PARD3: variants seen among roughly 807,000 people sequenced by gnomAD.
PARD3 encodes partitioning defective 3 homolog.
PARD3 carries 75 observed loss-of-function variants against 155.4 expected under a neutral mutation model. The observed-to-expected ratio is 0.48, with a 90% confidence interval of 0.40 to 0.58. The LOEUF (loss-of-function observed/expected upper bound fraction) is 0.58, where lower values mean the gene tolerates loss of function less well. Among genes scored for constraint, PARD3 ranks in the 20% least tolerant of loss-of-function variants. The probability of loss-of-function intolerance (pLI) is 0.00; values close to 1 mark genes in which losing one functional copy is unlikely to be tolerated. For missense variants in PARD3, 1,642 were observed against 1,721.7 expected (o/e 0.95, Z 0.82); for synonymous variants, 576 against 610.5 (o/e 0.94, Z 0.83).
chr10:34,137,020 C>T (rs1176325029), intron 22 of PARD3, among the ~76,000 whole-genome samples: 3 of 152,198 alleles, frequency 2.0e-5, no homozygotes, highest in Non-Finnish European at 4.4e-5. Flanking sequence ...TAAGGTGGCC[C>T]TAATGTCCAC....
At chr10:34,336,426 C>G in intron 17 of PARD3, 183 bp from the exon 18 acceptor site, 1 of 542,200 alleles carries the variant, frequency 1.8e-6, no homozygotes, top group Non-Finnish European at 3.3e-6. Flanking sequence ...TGTCTCCATG[C>G]AATATGCCAG....
At chr10:34,578,758 G>A (rs1438560489) in intron 2 of PARD3, among the ~76,000 whole-genome samples, 3 of 152,118 alleles carry the variant, frequency 2.0e-5, no homozygotes, top group Non-Finnish European at 4.4e-5. Flanking sequence ...ACACTCAATC[G>A]CTGAGGGAAC....
chr10:34,529,288 C>T (rs933042499), intron 2 of PARD3, among the ~76,000 whole-genome samples: 15 of 152,276 alleles, frequency 9.9e-5, no homozygotes, highest in African/African-American at 3.6e-4. Context: ...GGTTCCTCTT[C>T]CCTTCCTCCA....
intron 2 of PARD3, among the ~76,000 whole-genome samples, chr10:34,534,171 C>G (rs938957321): frequency 6.7e-6 from 1 of 150,136 alleles, no homozygotes; most frequent in Non-Finnish European, 1.5e-5. Context: ...GAGGCTGAGG[C>G]AGGAGAATGG....
At chr10:34,588,767 C>T (rs550036246) in intron 2 of PARD3, among the ~76,000 whole-genome samples, 4 of 152,322 alleles carry the variant, frequency 2.6e-5, no homozygotes, top group African/African-American at 7.2e-5. Context: ...ACTCCTGACT[C>T]TATTCCTCAA....
At chr10:34,277,641 AAT>A (rs755856882) in intron 21 of PARD3, among the ~76,000 whole-genome samples, 1 of 152,182 alleles carries the variant, frequency 6.6e-6, no homozygotes, top group African/African-American at 2.4e-5. Context: ...AAGTTGCTGA[AAT>A]ATATAGTGGT....
At chr10:34,178,012 A>G (rs1950112208) in intron 22 of PARD3, among the ~76,000 whole-genome samples, 1 of 152,218 alleles carries the variant, frequency 6.6e-6, no homozygotes, top group African/African-American at 2.4e-5. Flanking sequence ...TAAAATATAC[A>G]TATCAATGTC....
Position 34,110,029 on chromosome 10 carries a change from C to G in PARD3, c.*1140G>C, listed in dbSNP as rs903566381. 2.6e-5 allele frequency: 4 copies of G among 151,840 alleles called. No individual in the cohort carries two copies. The allele number at this position is 151,840 out of a possible 1,614,324, so 9.4% of individuals were successfully genotyped here. ...CCACACACACACTCTAATACTGACGCGAGAGTGAGCTTCCTGCCACCACCG... is the reference window on the plus strand; with the variant it reads ...CCACACACACACTCTAATACTGACGGGAGAGTGAGCTTCCTGCCACCACCG... On this transcript the variant is annotated 3_prime_UTR_variant, in exon 25 of 25. Transcript: ENST00000374788.
At chr10:34,653,976 C>T (rs1156857568) in intron 2 of PARD3, among the ~76,000 whole-genome samples, 1 of 152,080 alleles carries the variant, frequency 6.6e-6, no homozygotes, top group Non-Finnish European at 1.5e-5. Flanking sequence ...CAGACATGCA[C>T]ACCAATTATG....
At chr10:34,327,607 G>A (rs1167372808) in intron 19 of PARD3, among the ~76,000 whole-genome samples, 1 of 152,202 alleles carries the variant, frequency 6.6e-6, no homozygotes, top group African/African-American at 2.4e-5. Context: ...ATCAGAGCCT[G>A]CAGCACGGTG....
At chr10:34,796,788 C>T (rs1313550946) in intron 1 of PARD3, among the ~76,000 whole-genome samples, 1 of 152,160 alleles carries the variant, frequency 6.6e-6, no homozygotes, top group African/African-American at 2.4e-5. Context: ...AGTTCAAGGC[C>T]AGCCTGGCCA....
chr10:34,491,543 A>C (rs984055934), intron 3 of PARD3, among the ~76,000 whole-genome samples: 19 of 152,374 alleles, frequency 1.2e-4, no homozygotes, highest in African/African-American at 4.6e-4. Context: ...TCCCCAAGGA[A>C]GTAAACAAAT....
At chr10:34,491,879 C>T (rs1003642775) in intron 3 of PARD3, among the ~76,000 whole-genome samples, 2 of 152,068 alleles carry the variant, frequency 1.3e-5, no homozygotes, top group Admixed American at 1.3e-4. Flanking sequence ...GTTTCCTAGG[C>T]AACAAGCACA....
intron 2 of PARD3, among the ~76,000 whole-genome samples, chr10:34,643,590 C>G (rs993588879): frequency 5.9e-5 from 9 of 152,186 alleles, no homozygotes; most frequent in African/African-American, 2.2e-4. Context: ...CAGAGCATTA[C>G]ACTTTAAAAC....
chr10:34,677,499 G>T (rs981808327), intron 2 of PARD3, among the ~76,000 whole-genome samples: 6 of 149,418 alleles, frequency 4.0e-5, no homozygotes, highest in Non-Finnish European at 8.9e-5. Context: ...AAAAAGAAAA[G>T]AAACTAAAAC....
chr10:34,618,682 CCTGA>C (rs1182669544), intron 2 of PARD3, among the ~76,000 whole-genome samples: 2 of 152,244 alleles, frequency 1.3e-5, no homozygotes, highest in African/African-American at 4.8e-5. Context: ...GGACATCCTT[CCTGA>C]CTGACTGTTT....
At position 34,393,981 on chromosome 10, in the gene PARD3, G is replaced by A. The variant is rs949076009; in HGVS notation, c.890+5349C>T. 3.9e-5 allele frequency among the ~76,000 whole-genome samples: 6 copies of A among 152,058 alleles called. 1 individual carries two copies. In the South Asian group the frequency reaches 1.2e-3, roughly 32 times the overall value. ...GCCTTCTGAGTGGCTGGGATTACAGGCGCACATCACCACGCCCAGCTAATT... is the reference window on the plus strand; with the variant it reads ...GCCTTCTGAGTGGCTGGGATTACAGACGCACATCACCACGCCCAGCTAATT... On this transcript the variant is annotated intron_variant, in intron 7 of 24. Transcript: ENST00000374788.
At chr10:34,444,350 T>A (rs1223233981) in intron 5 of PARD3, among the ~76,000 whole-genome samples, 3 of 152,238 alleles carry the variant, frequency 2.0e-5, no homozygotes, top group African/African-American at 7.2e-5. Context: ...TGCAATAAAG[T>A]GTGGGAATAT....
intron 3 of PARD3, among the ~76,000 whole-genome samples, chr10:34,508,936 A>G (rs2081245362): frequency 6.6e-6 from 1 of 152,126 alleles, no homozygotes; most frequent in Non-Finnish European, 1.5e-5. Context: ...ACATTATCTC[A>G]TTACTATACA....
Sources: allele counts gnomAD v4.1 joint callset (sites outside exome capture counted in the v4.1 genomes callset), GRCh38; gene constraint gnomAD v4.1.1; transcripts MANE v1.5; gene names NCBI Gene and HGNC (gene_info 2026-07-23, HGNC 2026-07-21).